The following TGFBR3 variants were observed in gnomAD, a reference collection of about 807,000 sequenced individuals.
TGFBR3 encodes the protein transforming growth factor beta receptor type 3.
Under a neutral mutation model 87.9 loss-of-function variants are expected in TGFBR3, and 46 were observed. That is an observed-to-expected ratio of 0.52 (90% CI 0.41 to 0.67). TGFBR3 has a LOEUF of 0.67. Ranked by LOEUF, TGFBR3 falls within the 30% of genes least tolerant of loss-of-function variation. The pLI is 0.00. For missense variants in TGFBR3, 866 were observed against 1,041.9 expected, an observed-to-expected ratio of 0.83 and a Z score of 2.32; for synonymous variants, 381 against 391.6, an observed-to-expected ratio of 0.97 and a Z score of 0.32.
chr1:91,706,023 C>A (rs1370092888), intron 14 of TGFBR3, among the ~76,000 whole-genome samples: 2 of 152,178 alleles, frequency 1.3e-5, no homozygotes, highest in Non-Finnish European at 2.9e-5. Flanking sequence ...AGTTATACTG[C>A]GGCAATATTA....
intron 2 of TGFBR3, among the ~76,000 whole-genome samples, chr1:91,809,875 T>C (rs1675969821): frequency 6.6e-6 from 1 of 152,218 alleles, no homozygotes; most frequent in Non-Finnish European, 1.5e-5. Context: ...ACTGGTGTGC[T>C]CTTGCTCCTT....
At chr1:91,822,668 T>C (rs1455282228) in intron 2 of TGFBR3, among the ~76,000 whole-genome samples, 1 of 152,210 alleles carries the variant, frequency 6.6e-6, no homozygotes, top group Non-Finnish European at 1.5e-5. Flanking sequence ...GGTACACGCC[T>C]GTAATCCTAG....
In TGFBR3 at chr1:91,901,942, G is replaced by A. The variant is rs199674909; in HGVS notation, c.-174-2245C>T. On this transcript the variant is annotated intron_variant, in intron 1 of 17. Coordinates refer to the TGFBR3 transcript ENST00000370399. ...CTGACCCTCCCCCACCCCACCAAAA[G>A]AAAAAAAAAAAAACGGTATGTGTTC... 7.8e-3 allele frequency among the ~76,000 whole-genome samples: 951 copies of A among 121,650 alleles called. 2 individuals carry two copies. The highest frequency in any genetic ancestry group is 0.011 in the Non-Finnish European group (625 of 59,366). 79.8% of individuals were successfully genotyped at this position (121,650 alleles called of 152,430 possible). A position where few individuals can be genotyped will look rare whatever the true frequency, so the allele number is the denominator to read the frequency against.
At chr1:91,744,883 A>G (rs940358614) in intron 4 of TGFBR3, among the ~76,000 whole-genome samples, 5 of 152,238 alleles carry the variant, frequency 3.3e-5, no homozygotes, top group African/African-American at 1.2e-4. Flanking sequence ...TCATGGATGG[A>G]GTCATCTCCT....
chr1:91,705,570 C>G (rs1311772265), intron 14 of TGFBR3, among the ~76,000 whole-genome samples: 1 of 152,100 alleles, frequency 6.6e-6, no homozygotes, highest in Non-Finnish European at 1.5e-5. Flanking sequence ...CACCTTGAGG[C>G]AGAAAGCACA....
chr1:91,788,152 G>C (rs72716428), intron 3 of TGFBR3, among the ~76,000 whole-genome samples: 11,698 of 152,188 alleles, frequency 0.077, 977 homozygotes, highest in African/African-American at 0.2. Context: ...TTGGTGCCCC[G>C]AGGGGCTAGT....
intron 1 of TGFBR3, among the ~76,000 whole-genome samples, chr1:91,862,614 C>G (rs1157072160): frequency 3.3e-5 from 5 of 152,082 alleles, no homozygotes; most frequent in African/African-American, 1.2e-4. Context: ...CTCACACGGC[C>G]CTAATGGTCA....
At chr1:91,775,467 C>T (rs1452693323) in intron 3 of TGFBR3, among the ~76,000 whole-genome samples, 1 of 152,214 alleles carries the variant, frequency 6.6e-6, no homozygotes, top group Admixed American at 6.5e-5. Context: ...TAGTTCACGC[C>T]TTTTCACCAT....
chr1:91,722,335 A>G (rs893857918), intron 7 of TGFBR3, among the ~76,000 whole-genome samples, 191 bp from the exon 8 acceptor site: 6 of 152,294 alleles, frequency 3.9e-5, no homozygotes, highest in Admixed American at 2.6e-4. Context: ...AAAGACATCT[A>G]CGTATGCTGC....
At chr1:91,892,289 C>T (rs1401362099) in intron 2 of TGFBR3, among the ~76,000 whole-genome samples, 1 of 152,010 alleles carries the variant, frequency 6.6e-6, no homozygotes, top group Non-Finnish European at 1.5e-5. Context: ...CTCCCAACAG[C>T]AGGGCTGGGA....
chr1:91,693,648 G>T (rs1341745914), intron 16 of TGFBR3, among the ~76,000 whole-genome samples: 1 of 152,180 alleles, frequency 6.6e-6, no homozygotes, highest in Non-Finnish European at 1.5e-5. Context: ...CCTGGCCCAA[G>T]ATTAGCTATG....
chr1:91,729,961 G>A lies in TGFBR3; in HGVS notation c.581C>T (p.Pro194Leu). 6.2e-7 allele frequency: 1 copy of A among 1,614,118 alleles called. No individual in the cohort carries two copies. The highest frequency in any genetic ancestry group is 1.1e-5 in the South Asian group (1 of 91,078). Residue 194 changes from proline to leucine, a missense_variant, in exon 6 of 17, where the codon CCT becomes CTT. By Grantham distance (98) the Pro-to-Leu change is moderately conservative. Coordinates refer to ENST00000212355, the MANE Select transcript of TGFBR3 (RefSeq NM_003243.5). ...YIKVGEDQVF[P>L]PKCNIGKNFL... ...ATTCTTCCCTATGTTGCACTTTGGA[G>A]GGAACACTTGATCTGAAAGAGGCAC...
Position 91,720,121 on chromosome 1 carries a change from T to G in TGFBR3, c.1185A>C (p.Glu395Asp), listed in dbSNP as rs774744521. The G allele has an allele frequency of 6.2e-7, 1 of 1,614,112 alleles. No individual in the cohort carries two copies. The change falls in exon 9 of 17, where the codon GAA (glutamate) becomes GAC (aspartate). Residue 395 changes from glutamate to aspartate, a missense_variant. Transcript: ENST00000212355. ...ALQNPPIRGG[E>D]GQNGGLPFPF... ...GAAACGGAAGGCCTCCATTTTGGCC[T>G]TCCCCTCCCCGGATGGGCGGGTTCT...
chr1:91,816,109 G>T (rs1676213208), intron 2 of TGFBR3, among the ~76,000 whole-genome samples: 1 of 152,102 alleles, frequency 6.6e-6, no homozygotes, highest in South Asian at 2.1e-4. Flanking sequence ...TCTAAATGTG[G>T]ATGTTCAACA....
chr1:91,811,772 T>C (rs552911911), intron 2 of TGFBR3, among the ~76,000 whole-genome samples: 4 of 152,222 alleles, frequency 2.6e-5, no homozygotes, highest in African/African-American at 9.6e-5. Context: ...AAAACATCTA[T>C]TGAGCTTGCT....
At chr1:91,718,382 T>C (rs1259376400) in intron 10 of TGFBR3, among the ~76,000 whole-genome samples, 1 of 152,058 alleles carries the variant, frequency 6.6e-6, no homozygotes, top group African/African-American at 2.4e-5. Flanking sequence ...ATTGCTAGCC[T>C]CTCTTCTCTG....
chr1:91,828,852 C>A (rs1676743387), intron 2 of TGFBR3, among the ~76,000 whole-genome samples: 1 of 152,138 alleles, frequency 6.6e-6, no homozygotes, highest in Non-Finnish European at 1.5e-5. Context: ...TCTAGTCAGA[C>A]CAGGAAGAGC....
intron 14 of TGFBR3, among the ~76,000 whole-genome samples, chr1:91,699,062 T>C (rs1021324594): frequency 3.3e-5 from 5 of 152,142 alleles, no homozygotes; most frequent in Admixed American, 2.0e-4. Context: ...CCTTCCTTTA[T>C]AGGGAAAAAA....
At chr1:91,838,768 C>T (rs1344491784) in intron 2 of TGFBR3, among the ~76,000 whole-genome samples, 2 of 152,202 alleles carry the variant, frequency 1.3e-5, no homozygotes, top group East Asian at 3.9e-4. Flanking sequence ...CGCGCCCGGC[C>T]GCAAATCTCT....
Sources: allele counts gnomAD v4.1 joint callset (sites outside exome capture counted in the v4.1 genomes callset), GRCh38; gene constraint gnomAD v4.1.1; transcripts MANE v1.5; gene names NCBI Gene and HGNC (gene_info 2026-07-23, HGNC 2026-07-21).